IGF2BP2: variants seen among roughly 807,000 people sequenced by gnomAD.
IGF2BP2 encodes the protein insulin-like growth factor 2 mRNA-binding protein 2.
A neutral mutation model predicts 75.8 loss-of-function variants in IGF2BP2; 17 were observed. That is an observed-to-expected ratio of 0.22 (90% CI 0.15 to 0.34). IGF2BP2 has a LOEUF of 0.34. Among genes scored for constraint, IGF2BP2 ranks in the 10% least tolerant of loss-of-function variants. IGF2BP2 has a pLI of 1.00. For synonymous variants in IGF2BP2, 288 were observed against 295.6 expected, an observed-to-expected ratio of 0.97 and a Z score of 0.26; for missense variants, 516 against 772.4, an observed-to-expected ratio of 0.67 and a Z score of 3.93.
At chr3:185,718,113 G>C (rs1725923656) in intron 2 of IGF2BP2, 1 of 152,206 alleles carries the variant, frequency 6.6e-6, no homozygotes, top group Non-Finnish European at 1.5e-5. Context: ...TACGGCCCCT[G>C]CGCTACATCC....
chr3:185,652,153 C>A lies in IGF2BP2; in HGVS notation c.1402G>T (p.Gly468Cys), dbSNP rs1234685321. 3 of 1,612,540 alleles carry A rather than the reference C, an allele frequency of 1.9e-6. No homozygotes were observed. The Admixed American group carries it at 5.0e-5, about 27-fold the overall frequency. ...GASIKIAPAEGPDVSERMVII... is the reference protein window; with the variant it reads ...GASIKIAPAECPDVSERMVII... The stretch of plus-strand genomic sequence containing the variant: ...ACCATCCTTTCGCTGACGTCTGGGC[C>A]TTCCGCAGGGGCAATCTGTGGTTCA... Residue 468 changes from glycine (G) to cysteine (C), a missense_variant, in exon 13 of 16, where the codon GGC (glycine) becomes TGC (cysteine). Around this residue, in one of 3 missense-constraint regions of IGF2BP2, gnomAD observed 129 missense variants for 230.5 expected, o/e 0.56. Transcript: ENST00000382199.
chr3:185,806,160 C>T (rs57314358), intron 2 of IGF2BP2, among the ~76,000 whole-genome samples: 9,037 of 152,112 alleles, frequency 0.059, 843 homozygotes, highest in African/African-American at 0.2. Context: ...AGGGAGTTCT[C>T]TCTAAACTCC....
intron 7 of IGF2BP2, among the ~76,000 whole-genome samples, chr3:185,677,042 G>GATAT (rs1491394053): frequency 4.6e-5 from 1 of 21,620 alleles, no homozygotes; most frequent in African/African-American, 2.2e-4. Context: ...TATATATATG[G>GATAT]AGATATATAT....
intron 1 of IGF2BP2, among the ~76,000 whole-genome samples, chr3:185,823,640 G>A (rs1349610845): frequency 1.3e-5 from 2 of 151,798 alleles, no homozygotes. Context: ...CGGTGGCCCC[G>A]AGAAAACGAG....
intron 12 of IGF2BP2, among the ~76,000 whole-genome samples, chr3:185,655,979 G>A (rs1577830117): frequency 6.6e-6 from 1 of 152,258 alleles, no homozygotes; most frequent in Non-Finnish European, 1.5e-5. Context: ...CTCAGAGGCA[G>A]CCCTGCCACA....
intron 7 of IGF2BP2, among the ~76,000 whole-genome samples, chr3:185,679,827 G>T (rs972798731): frequency 2.4e-4 from 37 of 152,214 alleles, no homozygotes; most frequent in African/African-American, 7.9e-4. Flanking sequence ...TGTTGGCCAG[G>T]CTGGTCTTCA....
At position 185,644,469 on chromosome 3, in the gene IGF2BP2, C is replaced by T. The variant is rs574192204; in HGVS notation, c.*1062G>A. ...GGGTTCCTGTTTTCCTCTTCCAAAA[C>T]GCTAGGACAAGTACCATTGACTCTT... On this transcript the variant is annotated 3_prime_UTR_variant, in exon 16 of 16. Coordinates refer to ENST00000382199, the MANE Select transcript of IGF2BP2 (RefSeq NM_006548.6). The T allele has an allele frequency of 1.3e-5, 2 of 152,262 alleles. No individual in the cohort carries two copies. The highest frequency in any genetic ancestry group is 4.2e-4 in the South Asian group (2 of 4,806). 9.4% of individuals were successfully genotyped at this position (152,262 alleles called of 1,614,324 possible).
intron 10 of IGF2BP2, among the ~76,000 whole-genome samples, chr3:185,665,389 A>G (rs1335937525): frequency 1.0e-2 from 563 of 56,434 alleles, no homozygotes; most frequent in East Asian, 0.016. Flanking sequence ...GGAGGAGGAG[A>G]AGGAGGAGGA....
At chr3:185,658,966 G>C (rs1387156834) in intron 10 of IGF2BP2, among the ~76,000 whole-genome samples, 2 of 152,204 alleles carry the variant, frequency 1.3e-5, no homozygotes, top group African/African-American at 4.8e-5. Context: ...AAAGGAGACT[G>C]AGCTTTGGGA....
At chr3:185,781,935 C>A (rs1735258619) in intron 2 of IGF2BP2, among the ~76,000 whole-genome samples, 1 of 151,938 alleles carries the variant, frequency 6.6e-6, no homozygotes, top group African/African-American at 2.4e-5. Flanking sequence ...CATAGTATGA[C>A]TAAGAAGTGA....
At chr3:185,677,056 TATATATATATATAG>T (rs1369058059) in intron 7 of IGF2BP2, among the ~76,000 whole-genome samples, 1 of 55,358 alleles carries the variant, frequency 1.8e-5, no homozygotes, top group African/African-American at 8.3e-5. Context: ...TATATATATA[TATATATATATATAG>T]AGAGAGAGAG....
chr3:185,747,826 T>C (rs117511210), intron 2 of IGF2BP2, among the ~76,000 whole-genome samples: 9 of 57,578 alleles, frequency 1.6e-4, no homozygotes, highest in African/African-American at 2.7e-4. Context: ...TTATTTTATT[T>C]TATTCTACTC....
At chr3:185,729,683 G>A (rs1248074568) in intron 2 of IGF2BP2, 1 of 152,140 alleles carries the variant, frequency 6.6e-6, no homozygotes, top group Non-Finnish European at 1.5e-5. Context: ...ATACTACATG[G>A]CAACTAACCT....
At chr3:185,767,088 G>A (rs1415870592) in intron 2 of IGF2BP2, among the ~76,000 whole-genome samples, 2 of 152,126 alleles carry the variant, frequency 1.3e-5, no homozygotes, top group Admixed American at 1.3e-4. Flanking sequence ...TGGACCCAGT[G>A]GCTTCCCAAT....
At chr3:185,724,600 A>T (rs1578109317) in intron 2 of IGF2BP2, 1 of 152,230 alleles carries the variant, frequency 6.6e-6, no homozygotes, top group East Asian at 1.9e-4. Context: ...GAATTGTTAG[A>T]TCAGGTAAGA....
At chr3:185,689,779 T>C in intron 5 of IGF2BP2, 152 bp from the exon 6 acceptor site, 1 of 826,026 alleles carries the variant, frequency 1.2e-6, no homozygotes, top group East Asian at 2.6e-5. Flanking sequence ...CCATCCCGGC[T>C]AAAACGGTGA....
intron 2 of IGF2BP2, among the ~76,000 whole-genome samples, chr3:185,804,760 T>C (rs1374878369): frequency 1.3e-5 from 2 of 151,248 alleles, no homozygotes; most frequent in East Asian, 1.9e-4. Context: ...GAGGCGGAGG[T>C]GGGCGGATCA....
intron 5 of IGF2BP2, 151 bp downstream of exon 5, chr3:185,692,548 T>G (rs1271322373): frequency 1.6e-6 from 1 of 635,150 alleles, no homozygotes; most frequent in Non-Finnish European, 2.7e-6. Flanking sequence ...GTGGCTCAGA[T>G]GCCGTGGAGC....
intron 4 of IGF2BP2, 34 bp downstream of exon 4, chr3:185,696,577 CT>C: frequency 3.2e-6 from 5 of 1,580,354 alleles, no homozygotes; most frequent in Non-Finnish European, 3.5e-6. Context: ...GATAATATCT[CT>C]CTCCAAAACC....
Sources: allele counts gnomAD v4.1 joint callset (sites outside exome capture counted in the v4.1 genomes callset), GRCh38; gene constraint gnomAD v4.1.1; regional missense constraint gnomAD v4.1.1; transcripts MANE v1.5; gene names NCBI Gene and HGNC (gene_info 2026-07-23, HGNC 2026-07-21).